Variants in DNAJB6 observed in about 807,000 individuals in gnomAD.
The protein encoded by DNAJB6 is dnaJ homolog subfamily B member 6.
In DNAJB6, 16 loss-of-function variants were observed where a neutral mutation model predicts 42.7. The ratio of observed to expected loss-of-function variants is 0.37; its 90% CI spans 0.25 to 0.57. The LOEUF (loss-of-function observed/expected upper bound fraction) is 0.57, where lower values mean the gene tolerates loss of function less well. Ranked by LOEUF, DNAJB6 falls within the 20% of genes least tolerant of loss-of-function variation. The probability of loss-of-function intolerance (pLI) is 0.74; values close to 1 mark genes in which losing one functional copy is unlikely to be tolerated. For missense variants in DNAJB6, 347 were observed against 416.8 expected, an observed-to-expected ratio of 0.83 and a Z score of 1.46; for synonymous variants, 170 against 163.5, an observed-to-expected ratio of 1.04 and a Z score of -0.30.
intron 1 of DNAJB6, among the ~76,000 whole-genome samples, chr7:157,356,036 G>A (rs576917088): frequency 1.3e-5 from 2 of 152,354 alleles, no homozygotes; most frequent in South Asian, 4.1e-4. Context: ...AAGATGAGCT[G>A]TTTGGACTTG....
At chr7:157,402,304 G>A (rs141121515) in intron 8 of DNAJB6, among the ~76,000 whole-genome samples, 2 of 152,186 alleles carry the variant, frequency 1.3e-5, no homozygotes, top group South Asian at 2.1e-4. Flanking sequence ...CAGGGAAGGC[G>A]CCTCTTCTTC....
chr7:157,382,194 GAAA>G lies in DNAJB6; in HGVS notation c.347-47_347-45del. 3 of 1,522,156 alleles carry G rather than the reference GAAA, an allele frequency of 2.0e-6. No individual in the cohort carries two copies. In the East Asian group the frequency reaches 7.1e-5, roughly 36 times the overall value. 94.3% of individuals were successfully genotyped at this position (1,522,156 alleles called of 1,614,324 possible). A position where few individuals can be genotyped will look rare whatever the true frequency, so the allele number is the denominator to read the frequency against. On this transcript the variant is annotated intron_variant, in intron 5 of 9. Coordinates refer to ENST00000262177, the MANE Select transcript of DNAJB6 (RefSeq NM_058246.4). ...TCTCTTACTGTAGCTATCACATGAG[GAAA>G]AAAACTTGAAAAAAAGACTTCATAG...
chr7:157,354,348 T>A (rs1799164528), intron 1 of DNAJB6, among the ~76,000 whole-genome samples: 1 of 152,174 alleles, frequency 6.6e-6, no homozygotes, highest in African/African-American at 2.4e-5. Flanking sequence ...GGTTGCTCCA[T>A]GTTGATCAGG....
At position 157,410,535 on chromosome 7, in the gene DNAJB6, C is replaced by T. The variant is rs185165379; in HGVS notation, c.898+534C>T. On this transcript the variant is annotated intron_variant, in intron 9 of 9. Transcript: ENST00000262177. Reference sequence around the variant, plus strand: ...CTTGGCCGCCCTGCCCTCCTCCCACCTGTTAGGGAGCCGGATAGTCTCTGA... The same window carrying T: ...CTTGGCCGCCCTGCCCTCCTCCCACTTGTTAGGGAGCCGGATAGTCTCTGA... 216 of 172,136 alleles carry T rather than the reference C, an allele frequency of 1.3e-3. 1 individual carries two copies. The highest frequency in any genetic ancestry group is 2.1e-3 in the Non-Finnish European group (172 of 82,000). 10.7% of individuals were successfully genotyped at this position (172,136 alleles called of 1,614,324 possible).
intron 5 of DNAJB6, among the ~76,000 whole-genome samples, chr7:157,369,793 T>C (rs570164277): frequency 6.6e-6 from 1 of 150,794 alleles, no homozygotes; most frequent in South Asian, 2.1e-4. Context: ...ACATTATTAT[T>C]AAACGAGCCC....
intron 1 of DNAJB6, chr7:157,339,678 G>A: frequency 6.9e-6 from 1 of 145,900 alleles, no homozygotes; most frequent in Non-Finnish European, 1.5e-5. Flanking sequence ...CCCTGCTGGA[G>A]TATAATGGCA....
At chr7:157,348,322 G>A (rs1016332008) in intron 1 of DNAJB6, among the ~76,000 whole-genome samples, 3 of 152,132 alleles carry the variant, frequency 2.0e-5, no homozygotes, top group African/African-American at 7.2e-5. Context: ...TTGAACTCCT[G>A]ACCTCAAGTG....
Position 157,367,359 on chromosome 7 carries a change from T to C in DNAJB6, c.236-14T>C, listed in dbSNP as rs377407504. On this transcript the variant is annotated splice_polypyrimidine_tract_variant and intron_variant, in intron 4 of 9. Coordinates refer to ENST00000262177, the MANE Select transcript of DNAJB6 (RefSeq NM_058246.4). ...CAAAATTCATAAACTAAAAGCTGTGTTGTATTTGTGCAGGTGGAAGTCATT... is the reference window on the plus strand; with the variant it reads ...CAAAATTCATAAACTAAAAGCTGTGCTGTATTTGTGCAGGTGGAAGTCATT... The C allele has an allele frequency of 1.4e-5, 21 of 1,542,304 alleles. No individual in the cohort carries two copies. The highest frequency in any genetic ancestry group is 1.8e-5 in the Non-Finnish European group (20 of 1,115,004).
intron 1 of DNAJB6, among the ~76,000 whole-genome samples, chr7:157,339,564 G>T (rs1311877244): frequency 6.6e-6 from 1 of 151,764 alleles, no homozygotes; most frequent in Non-Finnish European, 1.5e-5. Context: ...CTCCCAAAGT[G>T]CTGGGATTAC....
chr7:157,338,465 C>T (rs1214242004), intron 1 of DNAJB6, among the ~76,000 whole-genome samples: 1 of 152,138 alleles, frequency 6.6e-6, no homozygotes, highest in African/African-American at 2.4e-5. Flanking sequence ...TCCTGAGTAG[C>T]TGGGGTTACG....
intron 8 of DNAJB6, among the ~76,000 whole-genome samples, chr7:157,403,969 A>G (rs1471462073): frequency 1.3e-5 from 2 of 151,700 alleles, no homozygotes; most frequent in Non-Finnish European, 2.9e-5. Context: ...TTTTCAGCCT[A>G]CTGTGCAGGG....
chr7:157,386,335 G>T (rs140379158), intron 8 of DNAJB6: 3 of 984,404 alleles, frequency 3.0e-6, no homozygotes, highest in Non-Finnish European at 3.6e-6. Context: ...GCTTTTTTGT[G>T]TCTGTGTATG....
chr7:157,410,011 G>A lies in DNAJB6; in HGVS notation c.898+10G>A, dbSNP rs1795917456. On this transcript the variant is annotated intron_variant, in intron 9 of 9. Transcript: ENST00000262177. ...CTCGCGTCCGCAGCAGGTGTGCAAA[G>A]GGAGGCAGCCGTGGAGCAGGCGCAG... 6.6e-7 allele frequency: 1 copy of A among 1,522,430 alleles called. No homozygotes were observed. Among genetic ancestry groups the A allele is most frequent in the African/African-American group, 1.4e-5 (1 of 72,706 alleles). 94.3% of individuals were successfully genotyped at this position (1,522,430 alleles called of 1,614,324 possible). A position where few individuals can be genotyped will look rare whatever the true frequency, so the allele number is the denominator to read the frequency against.
intron 1 of DNAJB6, among the ~76,000 whole-genome samples, chr7:157,344,560 C>T (rs937250132): frequency 1.3e-5 from 2 of 151,590 alleles, no homozygotes; most frequent in East Asian, 1.9e-4. Context: ...TCTTCCTGCT[C>T]TACGCAAATT....
At chr7:157,383,044 A>G (rs1800866956) in intron 6 of DNAJB6, among the ~76,000 whole-genome samples, 1 of 151,998 alleles carries the variant, frequency 6.6e-6, no homozygotes, top group South Asian at 2.1e-4. Context: ...CACTTTAGTG[A>G]GTGCCACTCT....
Position 157,340,998 on chromosome 7 carries a change from G to GCGCGCGCGCGCGCGCT in DNAJB6, c.-27+3863_-27+3864insGCGCGCTCGCGCGCGC, listed in dbSNP as rs57155944. Among the ~76,000 whole-genome samples, 287 of 134,998 alleles carry GCGCGCGCGCGCGCGCT rather than the reference G, an allele frequency of 2.1e-3. 2 individuals carry two copies. Among genetic ancestry groups the GCGCGCGCGCGCGCGCT allele is most frequent in the African/African-American group, 7.1e-3 (224 of 31,420 alleles). The allele number at this position is 134,998 out of a possible 152,430, so 88.6% of individuals were successfully genotyped here. The stretch of plus-strand genomic sequence containing the variant: ...TGTGTGTGTGTGTGTGTGTGTGTGT[G>GCGCGCGCGCGCGCGCT]CGCGCGCGCAGGTGGAATCACCCTG... On this transcript the variant is annotated intron_variant, in intron 1 of 9. Transcript: ENST00000262177.
chr7:157,346,769 A>AT (rs1304243219), intron 1 of DNAJB6, among the ~76,000 whole-genome samples: 1 of 152,178 alleles, frequency 6.6e-6, no homozygotes, highest in Non-Finnish European at 1.5e-5. Flanking sequence ...AACAGTGGGG[A>AT]TTGTTGCAGC....
chr7:157,393,441 A>G (rs538178720), intron 8 of DNAJB6, among the ~76,000 whole-genome samples: 7 of 152,262 alleles, frequency 4.6e-5, no homozygotes, highest in East Asian at 3.9e-4. Context: ...GTTTCTGAGA[A>G]AGATTAGTTA....
At chr7:157,361,236 G>A (rs1026188179) in intron 2 of DNAJB6, among the ~76,000 whole-genome samples, 4 of 150,488 alleles carry the variant, frequency 2.7e-5, no homozygotes, top group African/African-American at 7.4e-5. Context: ...TCGGCTCACT[G>A]CAACCTCTGC....
Sources: gnomAD v4.1 joint callset for allele counts (sites outside exome capture counted in the v4.1 genomes callset) on GRCh38, gnomAD v4.1.1 for gene constraint, MANE v1.5 for transcripts, NCBI Gene and HGNC (gene_info 2026-07-23, HGNC 2026-07-21) for gene names.